The following FLNB variants were observed in gnomAD, a reference collection of about 807,000 sequenced individuals.
FLNB encodes filamin B, also known as filamin-B.
In FLNB, 111 loss-of-function variants were observed where a neutral mutation model predicts 250.6. The observed-to-expected ratio is 0.44, with a 90% CI of 0.38 to 0.52. The LOEUF is 0.52. Ranked by LOEUF, FLNB falls within the 20% of genes least tolerant of loss-of-function variation. The probability of loss-of-function intolerance (pLI) is 0.00; values close to 1 mark genes in which losing one functional copy is unlikely to be tolerated. For synonymous variants in FLNB, 1,302 were observed against 1,372.1 expected (o/e 0.95, Z 1.13); for missense variants, 2,869 against 3,447.8 (o/e 0.83, Z 4.20).
chr3:58,158,983 T>A (rs531491594), intron 41 of FLNB, among the ~76,000 whole-genome samples: 1 of 151,928 alleles, frequency 6.6e-6, no homozygotes, highest in East Asian at 1.9e-4. Context: ...ATGAGGAAAC[T>A]GAGACTCGAA....
chr3:58,098,350 G>A (rs1182944834), intron 7 of FLNB, among the ~76,000 whole-genome samples: 1 of 152,092 alleles, frequency 6.6e-6, no homozygotes, highest in Non-Finnish European at 1.5e-5. Context: ...GTTGTTGGGG[G>A]AACAGAGAAT....
intron 4 of FLNB, among the ~76,000 whole-genome samples, chr3:58,089,247 G>C (rs964687519): frequency 4.6e-5 from 7 of 152,236 alleles, no homozygotes; most frequent in Admixed American, 3.3e-4. Context: ...ATTAAAAAAG[G>C]CTTCAGTAGC....
rs911361292 is a variant in FLNB at position 58,047,567 on chromosome 3, CT to C, written c.293-29466del. ...TTGCTCTAAAGATGCATATCACACA[CT>C]TTTTTTTTTTTTAATTTATTTTTGA... On this transcript the variant is annotated intron_variant, in intron 1 of 45. Transcript: ENST00000295956. Among the ~76,000 whole-genome samples, 256 of 144,972 alleles carry C rather than the reference CT, an allele frequency of 1.8e-3. 1 individual carries two copies. The highest frequency in any genetic ancestry group is 1.7e-3 in the African/African-American group (68 of 39,752).
intron 8 of FLNB, among the ~76,000 whole-genome samples, chr3:58,100,372 A>AG (rs1366513224): frequency 8.4e-6 from 1 of 119,494 alleles, no homozygotes; most frequent in Admixed American, 9.2e-5. Flanking sequence ...TGTAAAAAAA[A>AG]AATATATATA....
intron 5 of FLNB, 97 bp downstream of exon 5, chr3:58,095,051 T>C: frequency 1.0e-6 from 1 of 992,914 alleles, no homozygotes; most frequent in Non-Finnish European, 1.6e-6. Flanking sequence ...TCATTTCAGC[T>C]CACAACCAAA....
At chr3:58,168,874 G>A in intron 44 of FLNB, 1 of 585,034 alleles carries the variant, frequency 1.7e-6, no homozygotes, top group Non-Finnish European at 3.1e-6. Context: ...ATGTTAGGAT[G>A]TTAGGTGGTT....
At chr3:58,066,172 C>T (rs1011647556) in intron 1 of FLNB, among the ~76,000 whole-genome samples, 1 of 150,846 alleles carries the variant, frequency 6.6e-6, no homozygotes, top group Admixed American at 6.6e-5. Flanking sequence ...TTTGGAGTGT[C>T]TATACTTTTT....
chr3:58,012,175 CTG>C (rs2097099794), intron 1 of FLNB, among the ~76,000 whole-genome samples: 1 of 140,352 alleles, frequency 7.1e-6, no homozygotes, highest in Non-Finnish European at 1.5e-5. Context: ...CTTTGTGTAA[CTG>C]CACTCCAGCC....
chr3:58,118,928 C>T lies in FLNB; in HGVS notation c.2802C>T (p.Phe934=). 1 of 1,614,134 alleles carries T rather than the reference C, an allele frequency of 6.2e-7. No homozygotes were observed. Among genetic ancestry groups the T allele is most frequent in the Non-Finnish European group, 8.5e-7 (1 of 1,180,008 alleles). ...YGGDPIPKSP[F]TVGVAAPLDL... ...GCGATCCCATCCCTAAAAGCCCTTT[C>T]ACTGTGGGTGTTGCTGCACCGCTGG... Residue 934 remains phenylalanine (F), a synonymous_variant, in exon 19 of 46, where the codon TTC becomes TTT. Coordinates refer to ENST00000295956, the MANE Select transcript of FLNB (RefSeq NM_001457.4).
At chr3:58,100,368 A>AT (rs2097247862) in intron 8 of FLNB, among the ~76,000 whole-genome samples, 1 of 118,290 alleles carries the variant, frequency 8.5e-6, no homozygotes, top group Admixed American at 9.3e-5. Flanking sequence ...CATATGTAAA[A>AT]AAAAAATATA....
chr3:58,058,274 G>A (rs531317688), intron 1 of FLNB, among the ~76,000 whole-genome samples: 1 of 152,156 alleles, frequency 6.6e-6, no homozygotes, highest in South Asian at 2.1e-4. Context: ...AGAGTGAAGC[G>A]GCAGTTGGCT....
At chr3:58,128,037 G>A (rs1189692360) in intron 24 of FLNB, among the ~76,000 whole-genome samples, 1 of 152,148 alleles carries the variant, frequency 6.6e-6, no homozygotes, top group Non-Finnish European at 1.5e-5. Context: ...TAGGTGTGGT[G>A]TGAAGAGGGC....
rs865867842 is a variant in FLNB, at chr3:58,008,524, C to T, written c.-41C>T. 6.4e-7 allele frequency: 1 copy of T among 1,555,762 alleles called. No individual in the cohort carries two copies. The highest frequency in any genetic ancestry group is 8.7e-7 in the Non-Finnish European group (1 of 1,150,444). Reference sequence around the variant, plus strand: ...GCCCTTGGGCCTCCAAACACCAGTCCCCGGCAGCTCGTTGCGCATTGCGCT... The same window carrying T: ...GCCCTTGGGCCTCCAAACACCAGTCTCCGGCAGCTCGTTGCGCATTGCGCT... On this transcript the variant is annotated 5_prime_UTR_variant, in exon 1 of 46. Coordinates refer to ENST00000295956, the MANE Select transcript of FLNB (RefSeq NM_001457.4).
At chr3:58,143,240 A>G (rs187129716) in intron 31 of FLNB, among the ~76,000 whole-genome samples, 43 of 152,152 alleles carry the variant, frequency 2.8e-4, no homozygotes, top group African/African-American at 1.0e-3. Flanking sequence ...TGCCAGTTGT[A>G]GAAAACTCTT....
chr3:58,085,328 T>G (rs960890561), intron 4 of FLNB, among the ~76,000 whole-genome samples: 2 of 152,170 alleles, frequency 1.3e-5, no homozygotes, highest in Admixed American at 6.5e-5. Flanking sequence ...GCCACATGGG[T>G]GGGGCTGTGA....
At chr3:58,033,295 C>T (rs1376078385) in intron 1 of FLNB, among the ~76,000 whole-genome samples, 1 of 152,150 alleles carries the variant, frequency 6.6e-6, no homozygotes, top group Admixed American at 6.6e-5. Context: ...TCCATGTCTT[C>T]CACACCCATG....
chr3:58,152,659 T>C, intron 38 of FLNB: 1 of 886,158 alleles, frequency 1.1e-6, no homozygotes, highest in Non-Finnish European at 1.6e-6. Flanking sequence ...ATTCAGTTCA[T>C]TACATGGGTG....
intron 24 of FLNB, among the ~76,000 whole-genome samples, chr3:58,129,826 C>T (rs2107200123): frequency 6.6e-6 from 1 of 152,336 alleles, no homozygotes; most frequent in Non-Finnish European, 1.5e-5. Context: ...GGCGTGGTAG[C>T]CTGAGGCATG....
chr3:58,109,703 A>T lies in FLNB; in HGVS notation c.2323+4A>T. ...GACTGTACTGAGGCTGGGGAAGGTGAGAAAGGGCTTTGTTCAACCCAGTGA... is the reference window on the plus strand; with the variant it reads ...GACTGTACTGAGGCTGGGGAAGGTGTGAAAGGGCTTTGTTCAACCCAGTGA... On this transcript the variant is annotated splice_donor_region_variant and intron_variant, in intron 15 of 45. Coordinates refer to ENST00000295956, the MANE Select transcript of FLNB (RefSeq NM_001457.4). 1 of 1,614,134 alleles carries T rather than the reference A, an allele frequency of 6.2e-7. No homozygotes were observed. The highest frequency in any genetic ancestry group is 8.5e-7 in the Non-Finnish European group (1 of 1,180,026).
Sources: gnomAD v4.1 joint callset for allele counts (sites outside exome capture counted in the v4.1 genomes callset) on GRCh38, gnomAD v4.1.1 for gene constraint, MANE v1.5 for transcripts, NCBI Gene and HGNC (gene_info 2026-07-23, HGNC 2026-07-21) for gene names.